DIP2C: variants seen among roughly 807,000 people sequenced by gnomAD.
DIP2C encodes DIP2 acetate--CoA ligase C (putative), also known as disco-interacting protein 2 homolog C.
DIP2C carries 33 observed loss-of-function variants against 192.4 expected under a neutral mutation model. The ratio of observed to expected loss-of-function variants is 0.17; its 90% confidence interval spans 0.13 to 0.23. DIP2C has a LOEUF of 0.23. DIP2C is among the 10% of genes least tolerant of loss of function. The pLI is 1.00. For synonymous variants in DIP2C, 979 were observed against 864.1 expected, an observed-to-expected ratio of 1.13 and a Z score of -2.33; for missense variants, 1,537 against 2,110.1, an observed-to-expected ratio of 0.73 and a Z score of 5.32.
In DIP2C at chr10:393,221, G is replaced by A. The variant is rs1382183165; in HGVS notation, c.1261-2358C>T. On this transcript the variant is annotated intron_variant, in intron 10 of 36. Coordinates refer to ENST00000280886, the MANE Select transcript of DIP2C (RefSeq NM_014974.3). ...TAGGTTCTCATCAGGGTCTTTATTC[G>A]AAGACACTTCTAGCGGCTGTAGGAC... 3.9e-5 allele frequency among the ~76,000 whole-genome samples: 6 copies of A among 152,198 alleles called. No individual in the cohort carries two copies. The East Asian group carries it at 9.6e-4, about 24-fold the overall frequency.
intron 3 of DIP2C, among the ~76,000 whole-genome samples, chr10:459,070 T>C (rs1179785491): frequency 2.6e-5 from 4 of 152,108 alleles, no homozygotes; most frequent in African/African-American, 7.2e-5. Flanking sequence ...TTAAAGACTG[T>C]TGAAAACCTT....
intron 21 of DIP2C, 143 bp from the exon 22 acceptor site, chr10:362,834 G>T: frequency 2.0e-6 from 2 of 976,730 alleles, no homozygotes; most frequent in Non-Finnish European, 2.9e-6. Flanking sequence ...CAAGGTAAGA[G>T]AAAGGATTTT....
chr10:617,026 G>T lies in DIP2C; in HGVS notation c.85+72468C>A, dbSNP rs147925128. 5.3e-5 allele frequency among the ~76,000 whole-genome samples: 8 copies of T among 152,262 alleles called. No homozygotes were observed. The East Asian group carries it at 1.5e-3, about 29-fold the overall frequency. On this transcript the variant is annotated intron_variant, in intron 1 of 36. Transcript: ENST00000280886. ...GAGGGACTGAGATTTCACATAAAAT[G>T]CGTAGCACATGGCTAAGGGCCAAGG...
intron 17 of DIP2C, among the ~76,000 whole-genome samples, chr10:382,289 C>T (rs1962441027): frequency 6.6e-6 from 1 of 152,140 alleles, no homozygotes; most frequent in African/African-American, 2.4e-5. Flanking sequence ...GAAAAGCAGG[C>T]TGATGAAAAC....
intron 5 of DIP2C, among the ~76,000 whole-genome samples, chr10:420,166 G>A (rs1966084909): frequency 6.6e-6 from 1 of 152,226 alleles, no homozygotes; most frequent in African/African-American, 2.4e-5. Flanking sequence ...ACCGGACGCT[G>A]CCCATGTCCG....
At position 286,157 on chromosome 10, in the gene DIP2C, C is replaced by G; in HGVS notation, c.4119+116G>C. The G allele has an allele frequency of 3.3e-6, 3 of 922,060 alleles. No individual in the cohort carries two copies. The Admixed American group carries it at 5.9e-5, about 18-fold the overall frequency. 57.1% of individuals were successfully genotyped at this position (922,060 alleles called of 1,614,324 possible). ...ATTTCCCAGGCAATCATAACTCACT[C>G]AGCTCAAACCGGTGTGTGGCAGATG... On this transcript the variant is annotated intron_variant, in intron 34 of 36. Transcript: ENST00000280886.
chr10:596,116 T>C (rs1291948592), intron 1 of DIP2C, among the ~76,000 whole-genome samples: 1 of 152,144 alleles, frequency 6.6e-6, no homozygotes, highest in South Asian at 2.1e-4. Context: ...TTTTAAAGAT[T>C]CACGCGAGAA....
At position 582,113 on chromosome 10, in the gene DIP2C, G is replaced by A. The variant is rs75519877; in HGVS notation, c.86-95583C>T. Among the ~76,000 whole-genome samples, 475 of 152,192 alleles carry A rather than the reference G, an allele frequency of 3.1e-3. 5 individuals are homozygous for A. The highest frequency in any genetic ancestry group is 0.01 in the African/African-American group (434 of 41,516). ...TGCTGCCACTGATCCAAGAGGAGGC[G>A]GAGCTCAGGCAGTCATGCTCACTCA... On this transcript the variant is annotated intron_variant, in intron 1 of 36. Transcript: ENST00000280886.
chr10:679,595 T>C (rs1458843969), intron 1 of DIP2C, among the ~76,000 whole-genome samples: 21 of 59,850 alleles, frequency 3.5e-4, no homozygotes, highest in South Asian at 1.3e-3. Context: ...TCCCCACACC[T>C]GTGCTCCCTG....
At chr10:487,703 G>C (rs892043462) in intron 1 of DIP2C, among the ~76,000 whole-genome samples, 2 of 147,392 alleles carry the variant, frequency 1.4e-5, no homozygotes, top group East Asian at 2.1e-4. Context: ...TCAGCCTCCC[G>C]AGTAGCTGAG....
intron 17 of DIP2C, among the ~76,000 whole-genome samples, chr10:371,394 C>T (rs951879803): frequency 1.3e-5 from 2 of 152,240 alleles, no homozygotes; most frequent in African/African-American, 4.8e-5. Flanking sequence ...ATTGTAAAGG[C>T]GGAAATTGAA....
At chr10:658,409 G>A (rs181906001) in intron 1 of DIP2C, among the ~76,000 whole-genome samples, 55 of 152,034 alleles carry the variant, frequency 3.6e-4, no homozygotes, top group South Asian at 2.1e-4. Context: ...CTGCCGCTGG[G>A]TCTGCTACTG....
chr10:581,150 A>G (rs1165718756), intron 1 of DIP2C, among the ~76,000 whole-genome samples: 1 of 152,154 alleles, frequency 6.6e-6, no homozygotes, highest in Non-Finnish European at 1.5e-5. Flanking sequence ...CCCCACCACA[A>G]AGTGGACATC....
Position 423,001 on chromosome 10 carries a change from C to G in DIP2C, c.427G>C (p.Val143Leu). 1 of 1,613,304 alleles carries G rather than the reference C, an allele frequency of 6.2e-7. No individual in the cohort carries two copies. The highest frequency in any genetic ancestry group is 8.5e-7 in the Non-Finnish European group (1 of 1,179,490). Reference protein sequence around the residue: ...TSSGSEDEGSVQGDSQGTPTS... With the variant: ...TSSGSEDEGSLQGDSQGTPTS... ...GGGGTGCCCTGGGAGTCCCCCTGCA[C>G]TGAGCCTTCATCTTCTGAGCCAGAA... is the stretch of plus-strand genomic sequence containing the variant. The change falls in exon 5 of 37, where the codon GTG becomes CTG. Residue 143 changes from valine to leucine, a missense_variant. Physicochemically the swap from Val to Leu is conservative, Grantham distance 32. Around this residue, in one of 4 missense-constraint regions of DIP2C, gnomAD observed 473 missense variants for 539.6 expected, o/e 0.88. Transcript: ENST00000280886.
intron 1 of DIP2C, among the ~76,000 whole-genome samples, chr10:547,469 CCAG>C (rs1848344474): frequency 6.6e-6 from 1 of 152,086 alleles, no homozygotes; most frequent in Non-Finnish European, 1.5e-5. Flanking sequence ...AGCGAAGTAC[CCAG>C]CAAATACTCA....
At chr10:548,968 A>G (rs1255563808) in intron 1 of DIP2C, among the ~76,000 whole-genome samples, 1 of 145,556 alleles carries the variant, frequency 6.9e-6, no homozygotes, top group Non-Finnish European at 1.5e-5. Context: ...ATTTAAGATC[A>G]GAAATAAAGA....
At chr10:424,356 T>G (rs927364780) in intron 4 of DIP2C, among the ~76,000 whole-genome samples, 1 of 6,870 alleles carries the variant, frequency 1.5e-4, no homozygotes, top group Non-Finnish European at 2.8e-4. Flanking sequence ...TCACCTTGGG[T>G]TTTTTTTTTT....
At chr10:359,744 T>C (rs4073168) in intron 22 of DIP2C, among the ~76,000 whole-genome samples, 5 of 152,148 alleles carry the variant, frequency 3.3e-5, no homozygotes, top group Admixed American at 3.3e-4. Flanking sequence ...CCGCTGCGCA[T>C]CCTCTATCTC....
chr10:378,590 C>CATGT (rs34385832), intron 17 of DIP2C, among the ~76,000 whole-genome samples: 3 of 23,546 alleles, frequency 1.3e-4, no homozygotes, highest in African/African-American at 6.7e-4. Flanking sequence ...TGAACGCAGA[C>CATGT]ATAGACACAC....
Sources: allele counts gnomAD v4.1 joint callset (sites outside exome capture counted in the v4.1 genomes callset), GRCh38; gene constraint gnomAD v4.1.1; regional missense constraint gnomAD v4.1.1; transcripts MANE v1.5; gene names NCBI Gene and HGNC (gene_info 2026-07-23, HGNC 2026-07-21).